The following WDR44 variants were observed in gnomAD, a reference collection of about 807,000 sequenced individuals.
The protein encoded by WDR44 is WD repeat domain 44, also known as WD repeat-containing protein 44.
WDR44 carries 9 observed loss-of-function variants against 65.7 expected under a neutral mutation model. The observed-to-expected ratio is 0.14, with a 90% CI of 0.08 to 0.24. The LOEUF is 0.24. Among genes scored for constraint, WDR44 ranks in the 10% least tolerant of loss-of-function variants. The pLI, the probability that WDR44 is intolerant of heterozygous loss-of-function variation, is 1.00. For missense variants in WDR44, 425 were observed against 670.9 expected (o/e 0.63, Z 4.05); for synonymous variants, 220 against 235.2 (o/e 0.94, Z 0.59).
At chrX:118,432,303 G>T (rs1015634867) in intron 12 of WDR44, among the ~76,000 whole-genome samples, 1 of 111,637 alleles carries the variant, frequency 9.0e-6, no homozygotes, top group Non-Finnish European at 1.9e-5. Context: ...TGCAGGAAAG[G>T]AGGAGTCCTA....
intron 12 of WDR44, among the ~76,000 whole-genome samples, chrX:118,421,560 G>T (rs186707734): frequency 8.9e-6 from 1 of 111,824 alleles, no homozygotes; most frequent in East Asian, 2.8e-4. Context: ...TTCCTGATGT[G>T]TGTATTCTTT....
At chrX:118,368,483 T>TATATATATATATATATATA (rs1569359132) in intron 1 of WDR44, among the ~76,000 whole-genome samples, 2 of 87,664 alleles carry the variant, frequency 2.3e-5, no homozygotes, top group East Asian at 4.0e-4. Flanking sequence ...ATATATATAC[T>TATATATATATATATATATA]TCTTGAGGAC....
rs762363490 is a variant in WDR44, at chrX:118,442,296, A to G, written c.2219A>G (p.Lys740Arg). ...GTCCGATCTACTAGAGGGCGCAACA[A>G]GGTTGGAAGAAAAATTACTGGCATT... Reference protein sequence around the residue: ...IHVRSTRGRNKVGRKITGIEP... With the variant: ...IHVRSTRGRNRVGRKITGIEP... Residue 740 changes from lysine to arginine, a missense_variant, in exon 16 of 20, where the codon AAG becomes AGG. By Grantham distance (26) the Lys-to-Arg change is conservative (BLOSUM62 2). Around this residue, in one of 5 missense-constraint regions of WDR44, gnomAD observed 73 missense variants for 187.4 expected, o/e 0.39. Transcript: ENST00000254029. 5.0e-6 allele frequency: 6 copies of G among 1,211,280 alleles called. No individual in the cohort carries two copies. The highest frequency in any genetic ancestry group is 6.7e-6 in the Non-Finnish European group (6 of 894,810).
chrX:118,442,164 C>T, intron 15 of WDR44, 80 bp from the exon 16 acceptor site: 1 of 883,512 alleles, frequency 1.1e-6, no homozygotes, highest in Non-Finnish European at 1.6e-6. Flanking sequence ...GCCTCAGCCT[C>T]CTGAGTAGCT....
At position 118,349,791 on chromosome X, in the gene WDR44, G is replaced by A. The variant is rs769228601; in HGVS notation, c.77+3211G>A. ...TCTTGAACTCCTAACCTCATGGTCC[G>A]CCCGCCTCGGCCTCCCACAGTGCTG... On this transcript the variant is annotated intron_variant, in intron 1 of 19. Coordinates refer to ENST00000254029, the MANE Select transcript of WDR44 (RefSeq NM_019045.5). Among the ~76,000 whole-genome samples the A allele has an allele frequency of 3.6e-5, 4 of 111,012 alleles. No individual in the cohort carries two copies. The South Asian group carries it at 1.5e-3, about 42-fold the overall frequency.
chrX:118,368,656 G>A (rs2056577409), intron 1 of WDR44, among the ~76,000 whole-genome samples: 1 of 103,576 alleles, frequency 9.7e-6, no homozygotes, highest in Admixed American at 1.1e-4. Context: ...TGGGAGACTG[G>A]AAAGGCCTCT....
At chrX:118,387,880 A>G in intron 3 of WDR44, among the ~76,000 whole-genome samples, 1 of 111,951 alleles carries the variant, frequency 8.9e-6, no homozygotes. Context: ...TATTTTGAAA[A>G]TGGGCAGTTT....
intron 1 of WDR44, among the ~76,000 whole-genome samples, chrX:118,360,013 A>G (rs2056497542): frequency 8.9e-6 from 1 of 112,174 alleles, no homozygotes; most frequent in South Asian, 3.6e-4. Flanking sequence ...ATGATTGCCT[A>G]GCACTTATTT....
intron 1 of WDR44, among the ~76,000 whole-genome samples, chrX:118,375,601 T>C (rs2147683395): frequency 9.0e-6 from 1 of 111,464 alleles, no homozygotes; most frequent in African/African-American, 3.2e-5. Flanking sequence ...TTATTTAAGA[T>C]ATCAATTTGT....
chrX:118,368,775 C>T (rs1487737862), intron 1 of WDR44, among the ~76,000 whole-genome samples: 5 of 92,783 alleles, frequency 5.4e-5, no homozygotes, highest in African/African-American at 2.1e-4. Flanking sequence ...TGGAGTGCAG[C>T]GGTGGATCTC....
intron 10 of WDR44, among the ~76,000 whole-genome samples, chrX:118,408,237 A>G (rs17271460): frequency 0.069 from 7,620 of 110,336 alleles, 451 homozygotes; most frequent in East Asian, 0.25. Flanking sequence ...GGTCTTTCCA[A>G]CTTAAGAGGT....
intron 1 of WDR44, among the ~76,000 whole-genome samples, chrX:118,362,718 G>A (rs2056522020): frequency 9.1e-6 from 1 of 109,822 alleles, no homozygotes; most frequent in Non-Finnish European, 1.9e-5. Context: ...AATTCTTCCT[G>A]CTTTGTCCCT....
chrX:118,396,339 CA>C (rs756438404), intron 6 of WDR44, among the ~76,000 whole-genome samples: 1 of 111,615 alleles, frequency 9.0e-6, no homozygotes, highest in East Asian at 2.8e-4. Context: ...TATGTTCACA[CA>C]AAAAAATGTA....
At chrX:118,407,716 A>G (rs981666377) in intron 10 of WDR44, among the ~76,000 whole-genome samples, 1 of 112,237 alleles carries the variant, frequency 8.9e-6, no homozygotes, top group Non-Finnish European at 1.9e-5. Context: ...TATTCAGCTA[A>G]AACAAGGAGA....
intron 2 of WDR44, among the ~76,000 whole-genome samples, chrX:118,382,966 C>G (rs1000217572): frequency 8.9e-6 from 1 of 111,932 alleles, no homozygotes; most frequent in African/African-American, 3.2e-5. Context: ...TGTCTGTGGA[C>G]ACATGCTTGG....
intron 9 of WDR44, among the ~76,000 whole-genome samples, chrX:118,405,812 C>T (rs1356234685): frequency 1.8e-5 from 2 of 111,476 alleles, no homozygotes. Context: ...AACATTTACA[C>T]TGCAGTAGAT....
At chrX:118,431,795 A>G (rs1423973956) in intron 12 of WDR44, among the ~76,000 whole-genome samples, 1 of 111,998 alleles carries the variant, frequency 8.9e-6, no homozygotes, top group Non-Finnish European at 1.9e-5. Context: ...TTACAGTTAG[A>G]TGACTTGTAT....
chrX:118,381,374 C>T (rs1207250117), intron 2 of WDR44, among the ~76,000 whole-genome samples: 1 of 108,863 alleles, frequency 9.2e-6, no homozygotes, highest in African/African-American at 3.3e-5. Flanking sequence ...GAGGCTGAGG[C>T]AGGAGAATCA....
intron 12 of WDR44, among the ~76,000 whole-genome samples, chrX:118,429,771 G>A (rs1317175165): frequency 9.1e-6 from 1 of 110,138 alleles, no homozygotes; most frequent in Admixed American, 9.8e-5. Flanking sequence ...TTAGCCTCCC[G>A]AGTAGCTAGG....
Sources: gnomAD v4.1 joint callset for allele counts (sites outside exome capture counted in the v4.1 genomes callset) on GRCh38, gnomAD v4.1.1 for gene constraint, gnomAD v4.1.1 regional missense constraint, MANE v1.5 for transcripts, NCBI Gene and HGNC (gene_info 2026-07-23, HGNC 2026-07-21) for gene names.